KIR2DL3: variants seen among roughly 807,000 people sequenced by gnomAD.
The protein encoded by KIR2DL3 is killer cell immunoglobulin-like receptor 2DL3.
KIR2DL3 carries 39 observed loss-of-function variants against 33.8 expected under a neutral mutation model. The ratio of observed to expected loss-of-function variants is 1.15; its 90% confidence interval spans 0.89 to 1.51. KIR2DL3 has a LOEUF of 1.51. Among genes scored for constraint, KIR2DL3 ranks in the 40% most tolerant of loss-of-function variants. KIR2DL3 has a pLI of 0.00. For missense variants in KIR2DL3, 462 were observed against 426.2 expected (o/e 1.08, Z -0.74); for synonymous variants, 174 against 160.2 (o/e 1.09, Z -0.65).
At chr19:54,739,830 G>A (rs1423193130) in intron 2 of KIR2DL3, among the ~76,000 whole-genome samples, 6 of 152,326 alleles carry the variant, frequency 3.9e-5, no homozygotes, top group South Asian at 2.1e-4. Flanking sequence ...ACACTTCAGC[G>A]TTTCCATGAT....
chr19:54,751,956 T>C lies in KIR2DL3; in HGVS notation c.820+203T>C, dbSNP rs1842972634. ...CATTGCCTGATTCTGAACTGTATCC[T>C]CATGTCCCCTGCAGCCACTCACATC... On this transcript the variant is annotated intron_variant, in intron 6 of 7. Coordinates refer to ENST00000342376, the MANE Select transcript of KIR2DL3 (RefSeq NM_015868.3). Among the ~76,000 whole-genome samples, 2 of 133,810 alleles carry C rather than the reference T, an allele frequency of 1.5e-5. 1 individual carries two copies. The highest frequency in any genetic ancestry group is 4.0e-4 in the East Asian group (2 of 5,022). The allele number at this position is 133,810 out of a possible 152,430, so 87.8% of individuals were successfully genotyped here.
intron 2 of KIR2DL3, among the ~76,000 whole-genome samples, chr19:54,740,893 TCCAGTGGAAGTCTTCA>T (rs1215228299): frequency 6.8e-6 from 1 of 147,536 alleles, no homozygotes; most frequent in Non-Finnish European, 1.5e-5. Context: ...ATTAGAGCAG[TCCAGTGGAAGTCTTCA>T]CCAGCTTTGA....
At chr19:54,749,005 T>G (rs1324835509) in intron 5 of KIR2DL3, among the ~76,000 whole-genome samples, 1 of 151,916 alleles carries the variant, frequency 6.6e-6, no homozygotes, top group Non-Finnish European at 1.5e-5. Context: ...CAGATATTTG[T>G]GACATTAATG....
intron 2 of KIR2DL3, among the ~76,000 whole-genome samples, chr19:54,741,505 G>A (rs1442940853): frequency 6.6e-6 from 1 of 151,846 alleles, no homozygotes; most frequent in African/African-American, 2.4e-5. Context: ...TGGCACCATG[G>A]AGAAGGCACA....
At chr19:54,748,120 A>G (rs561316610) in intron 5 of KIR2DL3, among the ~76,000 whole-genome samples, 10 of 148,452 alleles carry the variant, frequency 6.7e-5, no homozygotes, top group African/African-American at 2.0e-4. Flanking sequence ...AAAGGCTCCC[A>G]GTTCCTTGGC....
At chr19:54,747,519 T>C (rs1403116869) in intron 5 of KIR2DL3, 134 bp downstream of exon 5, 13 of 1,204,194 alleles carry the variant, frequency 1.1e-5, no homozygotes, top group Non-Finnish European at 1.6e-5. Context: ...CTCCAGATAC[T>C]CCAACAGCGA....
In KIR2DL3 at chr19:54,752,626, G is replaced by C. The variant is rs2073659678; in HGVS notation, c.*107G>C. 1.6e-5 allele frequency: 22 copies of C among 1,345,984 alleles called. 6 individuals carry two copies. The highest frequency in any genetic ancestry group is 2.3e-5 in the Non-Finnish European group (22 of 971,726). 83.4% of individuals were successfully genotyped at this position (1,345,984 alleles called of 1,614,324 possible). A position where few individuals can be genotyped will look rare whatever the true frequency, so the allele number is the denominator to read the frequency against. ...CTGGGTTGCCAGCTCCAATGTACCAGCAGCTGGAATCTGAAGGCGTGAGTC... is the reference window on the plus strand; with the variant it reads ...CTGGGTTGCCAGCTCCAATGTACCACCAGCTGGAATCTGAAGGCGTGAGTC... On this transcript the variant is annotated 3_prime_UTR_variant, in exon 8 of 8. Coordinates refer to ENST00000342376, the MANE Select transcript of KIR2DL3 (RefSeq NM_015868.3).
At chr19:54,741,338 T>G (rs367583729) in intron 2 of KIR2DL3, among the ~76,000 whole-genome samples, 2 of 150,684 alleles carry the variant, frequency 1.3e-5, no homozygotes, top group South Asian at 2.1e-4. Flanking sequence ...AGACTCTGTC[T>G]CCATAATTAA....
Position 54,744,742 on chromosome 19 carries a change from G to T in KIR2DL3, c.664+654G>T, listed in dbSNP as rs548063255. ...GGGTTTCACCATGTTGGTCGAGCTG[G>T]TCTCCAACTCCTGACCACGTGATCC... On this transcript the variant is annotated intron_variant, in intron 4 of 7. Transcript: ENST00000342376. 6.0e-5 allele frequency among the ~76,000 whole-genome samples: 9 copies of T among 150,174 alleles called. No homozygotes were observed. The South Asian group carries it at 1.7e-3, about 28-fold the overall frequency.
intron 1 of KIR2DL3, 47 bp downstream of exon 1, chr19:54,738,626 C>T (rs745451232): frequency 2.7e-5 from 44 of 1,613,230 alleles, no homozygotes; most frequent in Admixed American, 1.5e-4. Context: ...GGATGGAGAT[C>T]GGGGCCCAGA....
At chr19:54,746,763 A>C (rs1424437450) in intron 4 of KIR2DL3, among the ~76,000 whole-genome samples, 1 of 150,068 alleles carries the variant, frequency 6.7e-6, no homozygotes, top group Non-Finnish European at 1.5e-5. Context: ...CGGGTGGATC[A>C]CCTGAGGCCA....
rs200686594 is a variant in KIR2DL3 at position 54,743,929 on chromosome 19, C to A, written c.505C>A (p.Arg169Ser). The change falls in exon 4 of 8, where the codon CGT becomes AGT. Residue 169 changes from arginine to serine, a missense_variant. Arg to Ser is a moderately radical substitution (Grantham distance 110). Coordinates refer to ENST00000342376, the MANE Select transcript of KIR2DL3 (RefSeq NM_015868.3). ...HLSREGEAHERRFSAGPKVNG... is the reference protein window; with the variant it reads ...HLSREGEAHESRFSAGPKVNG... ...ATCCAGGGAGGGGGAGGCCCATGAA[C>A]GTAGGTTCTCTGCAGGGCCCAAGGT... The A allele has an allele frequency of 5.7e-6, 9 of 1,584,394 alleles. No individual in the cohort carries two copies. The East Asian group carries it at 2.0e-4, about 36-fold the overall frequency.
intron 3 of KIR2DL3, 36 bp from the exon 4 acceptor site, chr19:54,743,759 A>G (rs2071645278): frequency 6.5e-7 from 1 of 1,542,730 alleles, no homozygotes; most frequent in South Asian, 1.2e-5. Flanking sequence ...GTGACAAGGA[A>G]GATCCTCCGT....
chr19:54,749,319 GT>G (rs1296750667), intron 5 of KIR2DL3, among the ~76,000 whole-genome samples: 1 of 147,744 alleles, frequency 6.8e-6, no homozygotes, highest in Non-Finnish European at 1.5e-5. Context: ...GGGAGGCTCA[GT>G]TGCATAACTG....
At chr19:54,740,318 C>T (rs1335777075) in intron 2 of KIR2DL3, among the ~76,000 whole-genome samples, 1 of 152,018 alleles carries the variant, frequency 6.6e-6, no homozygotes, top group African/African-American at 2.4e-5. Flanking sequence ...CTTGTGGTGC[C>T]TCTAGGACAT....
rs763615682 is a variant in KIR2DL3, at chr19:54,751,631, T to C, written c.716-18T>C. On this transcript the variant is annotated intron_variant, in intron 5 of 7. Coordinates refer to ENST00000342376, the MANE Select transcript of KIR2DL3 (RefSeq NM_015868.3). Reference sequence around the variant, plus strand: ...ACTGCTATGATTAGCTTCTTATTGGTGTCTCCTCTTCTTCCAGGTAACCCC... The same window carrying C: ...ACTGCTATGATTAGCTTCTTATTGGCGTCTCCTCTTCTTCCAGGTAACCCC... The C allele has an allele frequency of 3.4e-6, 5 of 1,470,782 alleles. No homozygotes were observed. In the African/African-American group the frequency reaches 7.7e-5, roughly 23 times the overall value. 91.1% of individuals were successfully genotyped at this position (1,470,782 alleles called of 1,614,324 possible).
In KIR2DL3 at chr19:54,738,550, C is replaced by A. The variant is rs750709166; in HGVS notation, c.5C>A (p.Ser2Ter). 1 of 1,612,386 alleles carries A rather than the reference C, an allele frequency of 6.2e-7. No individual in the cohort carries two copies. The highest frequency in any genetic ancestry group is 2.2e-5 in the East Asian group (1 of 44,764). Reference sequence around the variant, plus strand: ...CCTGTCTGCACAGACAGCACCATGTCGCTCATGGTCGTCAGCATGGTGTGT... The same window carrying A: ...CCTGTCTGCACAGACAGCACCATGTAGCTCATGGTCGTCAGCATGGTGTGT... M[S>*]LMVVSMVCVG... The change falls in exon 1 of 8, where the codon TCG becomes TAG. Residue 2 changes from serine to a stop codon, truncating the protein, a stop_gained. Transcript: ENST00000342376. LOFTEE classifies it high-confidence loss of function.
intron 4 of KIR2DL3, among the ~76,000 whole-genome samples, chr19:54,745,659 C>T (rs371261995): frequency 6.6e-6 from 1 of 151,672 alleles, no homozygotes; most frequent in Non-Finnish European, 1.5e-5. Flanking sequence ...CCACCTCACC[C>T]AACCTCTTTT....
At chr19:54,744,870 T>TTTTATATATA (rs1257076612) in intron 4 of KIR2DL3, among the ~76,000 whole-genome samples, 1 of 78,424 alleles carries the variant, frequency 1.3e-5, no homozygotes, top group South Asian at 3.8e-4. Context: ...ATAAATACAT[T>TTTTATATATA]TATATATATA....
Sources: gnomAD v4.1 joint callset for allele counts (sites outside exome capture counted in the v4.1 genomes callset) on GRCh38, gnomAD v4.1.1 for gene constraint, MANE v1.5 for transcripts, NCBI Gene and HGNC (gene_info 2026-07-23, HGNC 2026-07-21) for gene names.